RCC1L: variants seen among roughly 807,000 people sequenced by gnomAD.
The protein encoded by RCC1L is RCC1 like, also known as RCC1-like G exchanging factor-like protein.
A neutral mutation model predicts 58.6 loss-of-function variants in RCC1L; 46 were observed. That is an observed-to-expected ratio of 0.79 (90% CI 0.62 to 1.00). RCC1L has a LOEUF of 1.00. RCC1L is among the 50% of genes least tolerant of loss of function. The pLI is 0.00. For synonymous variants in RCC1L, 281 were observed against 262.9 expected (o/e 1.07, Z -0.67); for missense variants, 636 against 623.6 (o/e 1.02, Z -0.21).
chr7:75,063,307 A>G lies in RCC1L; in HGVS notation c.687T>C (p.Asp229=). ...SHRVHRMQDF[D]GQVVQVACGQ... is the part of the protein sequence containing the mutation. The stretch of plus-strand genomic sequence containing the variant: ...TCTCTCTTACCTGGACCACCTGGCC[A>G]TCGAAGTCCTGCATCCTGTGGACTC... Residue 229 remains aspartate, a synonymous_variant, in exon 5 of 11, where the codon GAT becomes GAC. Coordinates refer to ENST00000610322, the MANE Select transcript of RCC1L (RefSeq NM_030798.5). 1 of 1,613,910 alleles carries G rather than the reference A, an allele frequency of 6.2e-7. No homozygotes were observed. Among genetic ancestry groups the G allele is most frequent in the Non-Finnish European group, 8.5e-7 (1 of 1,179,862 alleles).
rs1279548745 is a variant in RCC1L, at chr7:75,052,779, C to T, written c.1249G>A (p.Val417Ile). ...AALTNKGELF[V>I]WGKNIRGCLG... ...CACCCTCGGATGTTCTTGCCCCATA[C>T]AAACAGCTCTCCTTTGTCTGCAAAG... The change falls in exon 10 of 11, where the codon GTA (valine) becomes ATA (isoleucine). Residue 417 changes from valine to isoleucine, a missense_variant. Val to Ile is a conservative substitution (Grantham distance 29). Coordinates refer to ENST00000610322, the MANE Select transcript of RCC1L (RefSeq NM_030798.5). 1.9e-6 allele frequency: 3 copies of T among 1,613,236 alleles called. No homozygotes were observed. Among genetic ancestry groups the T allele is most frequent in the Admixed American group, 3.3e-5 (2 of 59,912 alleles).
rs913041049 is a variant in RCC1L at position 75,058,682 on chromosome 7, C to A, written c.875G>T (p.Gly292Val). The change falls in exon 7 of 11, where the codon GGT (glycine) becomes GTT (valine). Residue 292 changes from glycine (G) to valine (V), a missense_variant. Coordinates refer to ENST00000610322, the MANE Select transcript of RCC1L (RefSeq NM_030798.5). ...GVNVIQVATYGDCCLAVSADG... is the reference protein window; with the variant it reads ...GVNVIQVATYVDCCLAVSADG... ...GGCGGACACGGCCAGGCAGCAATCA[C>A]CGTAGGTGGCAACTTGGATAACGTT... is the stretch of plus-strand genomic sequence containing the variant. The A allele has an allele frequency of 1.2e-5, 19 of 1,613,888 alleles. No homozygotes were observed. Among genetic ancestry groups the A allele is most frequent in the Non-Finnish European group, 1.6e-5 (19 of 1,179,876 alleles).
At position 75,064,572 on chromosome 7, in the gene RCC1L, A is replaced by G. The variant is rs1340291999; in HGVS notation, c.650+10T>C. Reference sequence around the variant, plus strand: ...CAACATGGGGAAGGGTAGGCCTTTTAGGAACTCACCTGTAAATTTCATTTT... The same window carrying G: ...CAACATGGGGAAGGGTAGGCCTTTTGGGAACTCACCTGTAAATTTCATTTT... On this transcript the variant is annotated intron_variant, in intron 4 of 10. Transcript: ENST00000610322. 2.5e-6 allele frequency: 4 copies of G among 1,613,682 alleles called. No individual in the cohort carries two copies. The highest frequency in any genetic ancestry group is 1.3e-5 in the African/African-American group (1 of 74,910).
intron 2 of RCC1L, among the ~76,000 whole-genome samples, chr7:75,069,922 A>T (rs2132013024): frequency 6.6e-6 from 1 of 152,278 alleles, no homozygotes; most frequent in Admixed American, 6.5e-5. Flanking sequence ...TCTACTTTTT[A>T]AAATGCCATT....
chr7:75,027,837 G>A (rs991142538), exon 11 of RCC1L: 9 of 662,324 alleles, frequency 1.4e-5, no homozygotes, highest in African/African-American at 5.4e-5. Context: ...ACAGCTCTTC[G>A]GGGTGGGGTG....
intron 5 of RCC1L, among the ~76,000 whole-genome samples, chr7:75,061,957 G>A (rs1406830082): frequency 1.3e-5 from 2 of 152,146 alleles, no homozygotes; most frequent in East Asian, 1.9e-4. Context: ...AGAGGCCAAG[G>A]CAGGTGGATC....
chr7:75,072,754 C>G (rs587609554), intron 1 of RCC1L, among the ~76,000 whole-genome samples: 1 of 152,202 alleles, frequency 6.6e-6, no homozygotes, highest in Non-Finnish European at 1.5e-5. Flanking sequence ...CCAAGGCGGG[C>G]GGATCGCTTG....
rs143969297 is a variant in RCC1L at position 75,070,652 on chromosome 7, G to T, written c.442C>A (p.Arg148=). 1.9e-6 allele frequency: 3 copies of T among 1,613,892 alleles called. No individual in the cohort carries two copies. Among genetic ancestry groups the T allele is most frequent in the South Asian group, 1.1e-5 (1 of 91,072 alleles). ...TAGGGATGCTCACTTTTATCTTTCC[G>T]GCTCCTGTGAAATCCAAGCTGAGAA... ...KDSQLGFHRS[R]KDKTRGYEYV... is the part of the protein sequence containing the mutation. The change falls in exon 2 of 11, where the codon CGG becomes AGG. Residue 148 remains arginine, a synonymous_variant. Coordinates refer to ENST00000610322, the MANE Select transcript of RCC1L (RefSeq NM_030798.5).
intron 2 of RCC1L, 90 bp from the exon 3 acceptor site, chr7:75,066,882 G>C (rs1806511585): frequency 2.3e-5 from 34 of 1,453,394 alleles, no homozygotes; most frequent in Non-Finnish European, 2.9e-5. Context: ...CTGGAAAAAA[G>C]AGAGTCGGAG....
chr7:75,064,708 G>A, intron 3 of RCC1L, 60 bp from the exon 4 acceptor site: 3 of 1,577,664 alleles, frequency 1.9e-6, no homozygotes, highest in Non-Finnish European at 2.6e-6. Context: ...TAGAATGTGA[G>A]GACTGGAAGG....
chr7:75,027,939 A>G, exon 11 of RCC1L: 4 of 1,359,054 alleles, frequency 2.9e-6, no homozygotes, highest in Non-Finnish European at 4.0e-6. Context: ...CAGGCCCCAG[A>G]CCCCACTTGG....
chr7:75,032,996 CG>C (rs1403381766), intron 10 of RCC1L, among the ~76,000 whole-genome samples: 21 of 136,192 alleles, frequency 1.5e-4, no homozygotes, highest in African/African-American at 5.6e-4. Context: ...GGCTTGAATC[CG>C]GGAGGTGGAG....
At chr7:75,037,120 G>A (rs1381820121) in intron 10 of RCC1L, among the ~76,000 whole-genome samples, 15 of 152,108 alleles carry the variant, frequency 9.9e-5, no homozygotes, top group Admixed American at 6.6e-5. Context: ...ATGTTTCTCC[G>A]GAAAAACAAG....
chr7:75,056,470 T>C, intron 8 of RCC1L: 1 of 1,440,168 alleles, frequency 6.9e-7, no homozygotes, highest in Non-Finnish European at 9.1e-7. Context: ...GCCAAACACA[T>C]CAACAATGTC....
At chr7:75,040,271 C>T (rs1448063362), downstream of RCC1L, among the ~76,000 whole-genome samples, 4 of 152,130 alleles carry the variant, frequency 2.6e-5, no homozygotes, top group Non-Finnish European at 5.9e-5. Context: ...ACCAGCCTGG[C>T]CAACATAACA....
intron 2 of RCC1L, 34 bp downstream of exon 2, chr7:75,070,606 C>A (rs2132014040): frequency 6.2e-7 from 1 of 1,609,142 alleles, no homozygotes; most frequent in Non-Finnish European, 8.5e-7. Flanking sequence ...TCAGACCAAT[C>A]CCGGCAAAGA....
chr7:75,028,484 G>A (rs1483015001), intron 10 of RCC1L, among the ~76,000 whole-genome samples: 1 of 152,046 alleles, frequency 6.6e-6, no homozygotes, highest in Non-Finnish European at 1.5e-5. Context: ...TGGAGTGTGT[G>A]TCTTGGCCCC....
chr7:75,052,381 C>G (rs1805940179), intron 10 of RCC1L, among the ~76,000 whole-genome samples: 1 of 152,208 alleles, frequency 6.6e-6, no homozygotes, highest in African/African-American at 2.4e-5. Context: ...GACAGGGCTT[C>G]TTATAGGACT....
downstream of RCC1L, among the ~76,000 whole-genome samples, chr7:75,041,822 T>C (rs1274013815): frequency 3.3e-5 from 5 of 150,178 alleles, no homozygotes; most frequent in African/African-American, 4.9e-5. Context: ...TGAGATCATG[T>C]TGCTGCACTC....
Sources: gnomAD v4.1 joint callset for allele counts (sites outside exome capture counted in the v4.1 genomes callset) on GRCh38, gnomAD v4.1.1 for gene constraint, MANE v1.5 for transcripts, NCBI Gene and HGNC (gene_info 2026-07-23, HGNC 2026-07-21) for gene names.